Variants in NKAIN3 observed in about 807,000 individuals in gnomAD.
The protein encoded by NKAIN3 is sodium/potassium-transporting ATPase subunit beta-1-interacting protein 3.
Under a neutral mutation model 30.2 loss-of-function variants are expected in NKAIN3, and 25 were observed. The observed-to-expected ratio is 0.83, with a 90% CI of 0.60 to 1.16. The LOEUF is 1.16. Ranked by LOEUF, NKAIN3 falls within the 50% of genes most tolerant of loss-of-function variation. NKAIN3 has a pLI of 0.00. For missense variants in NKAIN3, 225 were observed against 254.1 expected, an observed-to-expected ratio of 0.89 and a Z score of 0.78; for synonymous variants, 91 against 89.6, an observed-to-expected ratio of 1.02 and a Z score of -0.09.
At chr8:62,716,280 C>A (rs1234085065) in intron 3 of NKAIN3, among the ~76,000 whole-genome samples, 1 of 152,086 alleles carries the variant, frequency 6.6e-6, no homozygotes, top group Non-Finnish European at 1.5e-5. Flanking sequence ...ACGTGTCATC[C>A]CGACTTTAGA....
intron 4 of NKAIN3, among the ~76,000 whole-genome samples, chr8:62,896,758 T>C (rs1483676459): frequency 1.3e-5 from 2 of 152,166 alleles, no homozygotes; most frequent in South Asian, 2.1e-4. Context: ...AACCTAATAA[T>C]TGCAGTCTAG....
downstream of NKAIN3, among the ~76,000 whole-genome samples, chr8:62,988,234 A>C (rs921086666): frequency 7.4e-4 from 113 of 152,248 alleles, 1 homozygote; most frequent in African/African-American, 2.6e-3. Context: ...TTCCAGATGC[A>C]CAGTGCAATC....
chr8:62,991,828 TTTA>T (rs1824325909), intron 5 of NKAIN3, among the ~76,000 whole-genome samples: 1 of 152,174 alleles, frequency 6.6e-6, no homozygotes, highest in Non-Finnish European at 1.5e-5. Context: ...TGAACGTGTC[TTTA>T]AGGGACAAAG....
chr8:62,329,965 A>G (rs955659048), intron 1 of NKAIN3, among the ~76,000 whole-genome samples: 1 of 152,056 alleles, frequency 6.6e-6, no homozygotes, highest in African/African-American at 2.4e-5. Context: ...CTGTTGATTT[A>G]CCACTAAACC....
intron 1 of NKAIN3, among the ~76,000 whole-genome samples, chr8:62,256,906 T>C (rs781011712): frequency 9.9e-5 from 15 of 152,226 alleles, no homozygotes; most frequent in Non-Finnish European, 1.9e-4. Context: ...TTTTAGACCA[T>C]ATTTGTGAGG....
At chr8:62,810,643 T>TTTG (rs1554580463) in intron 4 of NKAIN3, among the ~76,000 whole-genome samples, 1 of 151,304 alleles carries the variant, frequency 6.6e-6, no homozygotes, top group African/African-American at 2.4e-5. Context: ...AGAAAGTTTT[T>TTTG]TTTTTTTTTT....
At chr8:62,554,779 C>T (rs879812566) in intron 1 of NKAIN3, among the ~76,000 whole-genome samples, 6 of 151,998 alleles carry the variant, frequency 3.9e-5, no homozygotes, top group Non-Finnish European at 5.9e-5. Flanking sequence ...CATTAGATTT[C>T]CAGACTTACT....
rs1824140523 is a variant in NKAIN3, at chr8:62,983,744, G to A, written c.*18337G>A. ...TGCTCAGGACCTGACTAACATTTCAGAACTGCGGTCACCCATTTTATACAA... is the reference window on the plus strand; with the variant it reads ...TGCTCAGGACCTGACTAACATTTCAAAACTGCGGTCACCCATTTTATACAA... On this transcript the variant is annotated 3_prime_UTR_variant, in exon 7 of 7. Transcript: ENST00000623646. 1 of 152,160 alleles carries A rather than the reference G, an allele frequency of 6.6e-6. No individual in the cohort carries two copies. The highest frequency in any genetic ancestry group is 6.5e-5 in the Admixed American group (1 of 15,274). 9.4% of individuals were successfully genotyped at this position (152,160 alleles called of 1,614,324 possible). A position where few individuals can be genotyped will look rare whatever the true frequency, so the allele number is the denominator to read the frequency against.
At chr8:62,898,522 G>T (rs1277603034) in intron 4 of NKAIN3, among the ~76,000 whole-genome samples, 2 of 152,090 alleles carry the variant, frequency 1.3e-5, no homozygotes, top group Admixed American at 6.6e-5. Context: ...TACACGAAGG[G>T]ATACAGAGTG....
At chr8:62,431,813 A>C (rs1017240754) in intron 1 of NKAIN3, among the ~76,000 whole-genome samples, 1 of 151,368 alleles carries the variant, frequency 6.6e-6, no homozygotes, top group East Asian at 1.9e-4. Context: ...GAGAATGCTT[A>C]ATTATCTTTT....
intron 5 of NKAIN3, among the ~76,000 whole-genome samples, chr8:62,950,133 G>A (rs1823241402): frequency 6.6e-6 from 1 of 152,062 alleles, no homozygotes; most frequent in South Asian, 2.1e-4. Flanking sequence ...AAAACTGAAG[G>A]TCTTTCCTAA....
At position 62,970,970 on chromosome 8, in the gene NKAIN3, T is replaced by C. The variant is rs2130913830; in HGVS notation, c.*5563T>C. 6.6e-6 allele frequency among the ~76,000 whole-genome samples: 1 copy of C among 152,334 alleles called. No individual in the cohort carries two copies. The highest frequency in any genetic ancestry group is 3.4e-3 in the Middle Eastern group (1 of 294). On this transcript the variant is annotated 3_prime_UTR_variant, in exon 7 of 7. Coordinates refer to ENST00000623646, the MANE Select transcript of NKAIN3 (RefSeq NM_001304533.3). ...ACAGAAAAAGAAAAATGACAATGGA[T>C]TAAATAACATAGAGGTCTATTTCTC... is the stretch of plus-strand genomic sequence containing the variant.
At chr8:62,883,266 C>T (rs556867077) in intron 4 of NKAIN3, among the ~76,000 whole-genome samples, 35 of 152,058 alleles carry the variant, frequency 2.3e-4, no homozygotes, top group African/African-American at 8.4e-4. Flanking sequence ...TCATAAATAT[C>T]TTGTGCATAT....
intron 1 of NKAIN3, among the ~76,000 whole-genome samples, chr8:62,539,268 A>G (rs956186361): frequency 2.0e-5 from 3 of 152,266 alleles, no homozygotes; most frequent in South Asian, 4.1e-4. Context: ...ATAACTCAGT[A>G]GAAATGATTT....
At chr8:62,820,647 G>A (rs981209465) in intron 4 of NKAIN3, among the ~76,000 whole-genome samples, 5 of 152,068 alleles carry the variant, frequency 3.3e-5, no homozygotes, top group African/African-American at 9.7e-5. Flanking sequence ...CTGGTGAACC[G>A]ACAAACTAAT....
At chr8:62,927,243 C>G (rs12680795) in intron 5 of NKAIN3, among the ~76,000 whole-genome samples, 15,441 of 152,186 alleles carry the variant, frequency 0.1, 879 homozygotes, top group East Asian at 0.17. Flanking sequence ...CAGAGGCCAG[C>G]AGGGACTTCC....
intron 1 of NKAIN3, among the ~76,000 whole-genome samples, chr8:62,571,509 A>T (rs1240063787): frequency 6.6e-6 from 1 of 152,014 alleles, no homozygotes; most frequent in African/African-American, 2.4e-5. Flanking sequence ...GGTCTGGAGG[A>T]TGGTGACCCT....
chr8:62,479,323 C>T (rs1407500010), intron 1 of NKAIN3, among the ~76,000 whole-genome samples: 3 of 152,124 alleles, frequency 2.0e-5, no homozygotes, highest in Non-Finnish European at 1.5e-5. Flanking sequence ...CATTTGGCCC[C>T]CTAAGCAACC....
At chr8:62,603,237 G>T (rs1189185958) in intron 3 of NKAIN3, among the ~76,000 whole-genome samples, 1 of 152,130 alleles carries the variant, frequency 6.6e-6, no homozygotes, top group Admixed American at 6.6e-5. Context: ...TGATGATGAA[G>T]AATTTCTGGT....
Sources: gnomAD v4.1 joint callset for allele counts (sites outside exome capture counted in the v4.1 genomes callset) on GRCh38, gnomAD v4.1.1 for gene constraint, MANE v1.5 for transcripts, NCBI Gene and HGNC (gene_info 2026-07-23, HGNC 2026-07-21) for gene names.